The following TMEM232 variants were observed in gnomAD, a reference collection of about 807,000 sequenced individuals.
TMEM232 encodes transmembrane protein 232.
A neutral mutation model predicts 78.8 loss-of-function variants in TMEM232; 80 were observed. The observed-to-expected ratio is 1.01, with a 90% CI of 0.85 to 1.22. TMEM232 has a LOEUF of 1.22. Ranked by LOEUF, TMEM232 falls within the 50% of genes most tolerant of loss-of-function variation. TMEM232 has a pLI of 0.00. For synonymous variants in TMEM232, 297 were observed against 254.3 expected (o/e 1.17, Z -1.60); for missense variants, 881 against 742.2 (o/e 1.19, Z -2.17).
intron 11 of TMEM232, among the ~76,000 whole-genome samples, chr5:110,556,359 CCCTTCCTT>C (rs368974293): frequency 7.3e-6 from 1 of 136,276 alleles, no homozygotes; most frequent in Non-Finnish European, 1.6e-5. Flanking sequence ...CCTTCCCTTC[CCCTTCCTT>C]CCTTCCTTCC....
chr5:110,426,697 G>A (rs1412814272), intron 12 of TMEM232, among the ~76,000 whole-genome samples: 1 of 151,992 alleles, frequency 6.6e-6, no homozygotes, highest in Non-Finnish European at 1.5e-5. Flanking sequence ...CTTAATGCAT[G>A]CAGAATAGGG....
chr5:110,445,738 C>T (rs1295269428), intron 12 of TMEM232, among the ~76,000 whole-genome samples: 1 of 152,142 alleles, frequency 6.6e-6, no homozygotes, highest in Non-Finnish European at 1.5e-5. Flanking sequence ...AGCTAATTCA[C>T]ATGATTATTG....
rs758110596 is a variant in TMEM232 at position 110,526,025 on chromosome 5, CAAAAAAA to C, written c.1703+2556_1703+2562del. Among the ~76,000 whole-genome samples the C allele has an allele frequency of 6.3e-3, 300 of 47,828 alleles. 3 individuals carry two copies. The highest frequency in any genetic ancestry group is 0.024 in the African/African-American group (287 of 11,872). 31.4% of individuals were successfully genotyped at this position (47,828 alleles called of 152,430 possible). ...TGGATCTACACCTCACACCATACAC[CAAAAAAA>C]AAAAAAAAAAAAAAAAAATTCAAAC... On this transcript the variant is annotated intron_variant, in intron 12 of 13. Coordinates refer to ENST00000455884, the MANE Select transcript of TMEM232 (RefSeq NM_001039763.4).
intron 4 of TMEM232, 118 bp from the exon 5 acceptor site, chr5:110,638,473 A>G: frequency 2.0e-6 from 2 of 988,574 alleles, no homozygotes; most frequent in South Asian, 3.6e-5. Flanking sequence ...GTTTTAAAAT[A>G]TATTTACAAA....
intron 1 of TMEM232, among the ~76,000 whole-genome samples, chr5:110,737,224 AAATAT>A (rs1229526988): frequency 5.9e-5 from 9 of 152,164 alleles, no homozygotes; most frequent in African/African-American, 2.2e-4. Context: ...GGTGCTTAAT[AAATAT>A]ATTTTTGTTA....
upstream of TMEM232, among the ~76,000 whole-genome samples, chr5:110,731,533 A>C (rs753773297): frequency 1.3e-5 from 2 of 152,218 alleles, no homozygotes; most frequent in African/African-American, 4.8e-5. Context: ...CCAAACCTCA[A>C]TTCTTGACTT....
chr5:110,396,607 C>G (rs900152198), intron 3 of TMEM232, among the ~76,000 whole-genome samples: 13 of 152,242 alleles, frequency 8.5e-5, no homozygotes, highest in African/African-American at 9.6e-5. Context: ...CAGCACCTAT[C>G]TGAGGAGCTC....
At chr5:110,447,825 T>C (rs1296502027) in intron 12 of TMEM232, among the ~76,000 whole-genome samples, 2 of 152,032 alleles carry the variant, frequency 1.3e-5, no homozygotes, top group African/African-American at 4.8e-5. Flanking sequence ...ATCAGTGATA[T>C]GGATTGCCAA....
At chr5:110,406,261 TATATACAC>T (rs1315736399) in intron 2 of TMEM232, among the ~76,000 whole-genome samples, 1 of 53,394 alleles carries the variant, frequency 1.9e-5, no homozygotes, top group African/African-American at 8.9e-5. Context: ...GACACAGATA[TATATACAC>T]ACACACACAC....
chr5:110,687,529 A>G (rs1793565907), intron 1 of TMEM232, among the ~76,000 whole-genome samples: 1 of 152,156 alleles, frequency 6.6e-6, no homozygotes, highest in African/African-American at 2.4e-5. Context: ...CCTGTAATAC[A>G]ACCTTATTGC....
intron 3 of TMEM232, among the ~76,000 whole-genome samples, chr5:110,397,331 T>C (rs560932446): frequency 6.6e-6 from 1 of 152,212 alleles, no homozygotes; most frequent in African/African-American, 2.4e-5. Context: ...ACTGCAAAAA[T>C]ACCCCAAACT....
At chr5:110,398,826 T>C (rs999868475) in intron 2 of TMEM232, among the ~76,000 whole-genome samples, 25 of 152,136 alleles carry the variant, frequency 1.6e-4, no homozygotes, top group African/African-American at 5.5e-4. Flanking sequence ...TTTGATAATA[T>C]AGCAAGAATA....
intron 1 of TMEM232, among the ~76,000 whole-genome samples, chr5:110,696,128 G>A (rs1239297047): frequency 6.6e-6 from 1 of 152,146 alleles, no homozygotes. Context: ...CTTCATCCCT[G>A]GGATGCAAGG....
chr5:110,618,598 T>G, intron 7 of TMEM232, 36 bp from the exon 8 acceptor site: 1 of 1,513,940 alleles, frequency 6.6e-7, no homozygotes, highest in African/African-American at 1.4e-5. Context: ...AATTAAAATA[T>G]AAAAATATAT....
At chr5:110,493,909 C>T (rs1448823314) in intron 12 of TMEM232, among the ~76,000 whole-genome samples, 1 of 151,910 alleles carries the variant, frequency 6.6e-6, no homozygotes. Context: ...TTAGGTATTT[C>T]TCCTAATGCT....
intron 13 of TMEM232, among the ~76,000 whole-genome samples, chr5:110,422,775 G>A (rs1352670001): frequency 6.6e-6 from 1 of 151,920 alleles, no homozygotes; most frequent in Non-Finnish European, 1.5e-5. Context: ...TTAGGCTTAG[G>A]AAAAAGCATA....
At chr5:110,543,398 TC>T (rs372395389) in intron 11 of TMEM232, among the ~76,000 whole-genome samples, 12 of 152,306 alleles carry the variant, frequency 7.9e-5, no homozygotes, top group African/African-American at 2.9e-4. Context: ...ATGTATACTT[TC>T]CTTATTTACG....
At chr5:110,636,551 A>C (rs1785863364) in intron 5 of TMEM232, among the ~76,000 whole-genome samples, 1 of 152,018 alleles carries the variant, frequency 6.6e-6, no homozygotes, top group Admixed American at 6.6e-5. Flanking sequence ...TTTATATATC[A>C]ATAGAAGAAA....
At position 110,389,837 on chromosome 5, in the gene TMEM232, G is replaced by A. The variant is rs182863512; in HGVS notation, n.615+579C>T. On this transcript the variant is annotated intron_variant and non_coding_transcript_variant, in intron 4 of 8. Coordinates refer to the TMEM232 transcript ENST00000507188. ...CACTGCTCAGAGCTCAGATTCATTC[G>A]TTTCTTTGCTACGGTGAAATTCTTA... Among the ~76,000 whole-genome samples the A allele has an allele frequency of 3.3e-5, 5 of 152,266 alleles. No individual in the cohort carries two copies. The East Asian group carries it at 9.6e-4, about 29-fold the overall frequency.
Sources: allele counts gnomAD v4.1 joint callset (sites outside exome capture counted in the v4.1 genomes callset), GRCh38; gene constraint gnomAD v4.1.1; transcripts MANE v1.5; gene names NCBI Gene and HGNC (gene_info 2026-07-23, HGNC 2026-07-21).